BMP8A: variants seen among roughly 807,000 people sequenced by gnomAD.
BMP8A encodes the protein bone morphogenetic protein 8a.
In BMP8A, 14 loss-of-function variants were observed where a neutral mutation model predicts 36.8. The observed-to-expected ratio is 0.38, with a 90% CI of 0.25 to 0.60. BMP8A has a LOEUF of 0.60. BMP8A is among the 20% of genes least tolerant of loss of function. The pLI is 0.63. For synonymous variants in BMP8A, 120 were observed against 237.7 expected (o/e 0.50, Z 4.55); for missense variants, 267 against 551.1 (o/e 0.48, Z 5.16).
chr1:39,499,902 A>G (rs1352729048), intron 1 of BMP8A, among the ~76,000 whole-genome samples: 1 of 152,210 alleles, frequency 6.6e-6, no homozygotes, highest in Non-Finnish European at 1.5e-5. Flanking sequence ...ACTGTGGCCC[A>G]AGTGACTTCT....
At chr1:39,518,069 T>A (rs1645407049) in intron 3 of BMP8A, among the ~76,000 whole-genome samples, 1 of 151,744 alleles carries the variant, frequency 6.6e-6, no homozygotes, top group Non-Finnish European at 1.5e-5. Context: ...CTCCTGAATC[T>A]ATAGTCTCAA....
At chr1:39,523,300 A>G (rs563312239) in intron 6 of BMP8A, among the ~76,000 whole-genome samples, 183 bp downstream of exon 6, 34 of 152,254 alleles carry the variant, frequency 2.2e-4, no homozygotes, top group Non-Finnish European at 4.0e-4. Context: ...TCATACAGCC[A>G]CACTACTACA....
chr1:39,502,253 A>T (rs1217629754), intron 1 of BMP8A, among the ~76,000 whole-genome samples: 1 of 134,288 alleles, frequency 7.4e-6, no homozygotes, highest in Admixed American at 7.3e-5. Flanking sequence ...AAAAAAAAAG[A>T]AAAGGAAACC....
Position 39,524,652 on chromosome 1 carries a change from G to A in BMP8A, c.1060-997G>A, listed in dbSNP as rs1645464354. Among the ~76,000 whole-genome samples, 1 of 152,118 alleles carries A rather than the reference G, an allele frequency of 6.6e-6. No homozygotes were observed. The highest frequency in any genetic ancestry group is 2.4e-5 in the African/African-American group (1 of 41,418). ...AGCCAGGCCAGCTCCCGTAGGGCCT[G>A]GGGTTCCCTGGGAAGGAGGGTGGAT... On this transcript the variant is annotated intron_variant, in intron 6 of 6. Transcript: ENST00000331593. The surrounding 1 kb of genome is among the most constrained non-coding windows in gnomAD (Gnocchi z 4.0).
intron 1 of BMP8A, among the ~76,000 whole-genome samples, chr1:39,500,435 T>C (rs1645243340): frequency 6.6e-6 from 1 of 152,160 alleles, no homozygotes; most frequent in Admixed American, 6.5e-5. Context: ...CTGCTGAACA[T>C]CCTGCAGTAC....
intron 4 of BMP8A, chr1:39,522,130 G>T (rs1645431961): frequency 2.5e-6 from 1 of 399,034 alleles, no homozygotes; most frequent in Non-Finnish European, 4.5e-6. Flanking sequence ...GGTCCTGCTG[G>T]GCTGTTTACT....
rs573165242 is a variant in BMP8A at position 39,525,136 on chromosome 1, G to A, written c.1060-513G>A. On this transcript the variant is annotated intron_variant, in intron 6 of 6. Transcript: ENST00000331593. ...CACATGCAGGGCCTTGAAGTGCTGA[G>A]GGCGGATGCAGTCCTCTGGGAGAAG... 20 of 159,124 alleles carry A rather than the reference G, an allele frequency of 1.3e-4. No homozygotes were observed. The South Asian group carries it at 3.8e-3, about 30-fold the overall frequency. The allele number at this position is 159,124 out of a possible 1,614,324, so 9.9% of individuals were successfully genotyped here.
chr1:39,509,844 C>T (rs1393070391), intron 1 of BMP8A, among the ~76,000 whole-genome samples: 58 of 152,188 alleles, frequency 3.8e-4, no homozygotes, highest in Non-Finnish European at 1.3e-4. Context: ...GCTCCCACCC[C>T]TGCTTTCCGG....
At chr1:39,525,567 G>A (rs1162767447) in intron 6 of BMP8A, 82 bp from the exon 7 acceptor site, 1 of 1,544,676 alleles carries the variant, frequency 6.5e-7, no homozygotes, top group Admixed American at 1.9e-5. Context: ...GCAGGGAGCA[G>A]GTGGAGCTGG....
intron 6 of BMP8A, 85 bp downstream of exon 6, chr1:39,523,202 T>C: frequency 7.0e-7 from 1 of 1,429,996 alleles, no homozygotes; most frequent in Non-Finnish European, 9.7e-7. Context: ...GGGAGGGCAG[T>C]GAGGCCACCT....
intron 6 of BMP8A, chr1:39,523,422 A>C: frequency 9.0e-7 from 1 of 1,114,138 alleles, no homozygotes; most frequent in Non-Finnish European, 1.2e-6. Context: ...CGGCGCTCAG[A>C]GGCACAGCAC....
chr1:39,523,095 A>G lies in BMP8A; in HGVS notation c.1037A>G (p.Asn346Ser), dbSNP rs370470260. The G allele has an allele frequency of 8.1e-6, 13 of 1,613,612 alleles. No individual in the cohort carries two copies. The highest frequency in any genetic ancestry group is 4.0e-5 in the African/African-American group (3 of 74,792). Residue 346 changes from asparagine (N) to serine (S), a missense_variant, in exon 6 of 7, where the codon AAC becomes AGC. By Grantham distance (46) the Asn-to-Ser change is conservative. Coordinates refer to ENST00000331593, the MANE Select transcript of BMP8A (RefSeq NM_181809.4). ...FPLDSCMNAT[N>S]HAILQSLVHL... ...CTGGACTCCTGCATGAACGCCACCA[A>G]CCACGCCATCCTGCAGTCCCTGGTC...
At chr1:39,518,723 A>G (rs1645410753) in intron 3 of BMP8A, among the ~76,000 whole-genome samples, 1 of 144,538 alleles carries the variant, frequency 6.9e-6, no homozygotes, top group African/African-American at 2.7e-5. Context: ...AGGGCTGGGG[A>G]TGGGGGAGCT....
At chr1:39,514,686 G>T (rs1462852490) in intron 3 of BMP8A, among the ~76,000 whole-genome samples, 1 of 152,102 alleles carries the variant, frequency 6.6e-6, no homozygotes, top group Admixed American at 6.5e-5. Flanking sequence ...CCTAGCCTGT[G>T]CCCTACTCGC....
rs1645450026 is a variant in BMP8A, at chr1:39,523,408, C to T, written c.1059+291C>T. On this transcript the variant is annotated intron_variant, in intron 6 of 6. Coordinates refer to ENST00000331593, the MANE Select transcript of BMP8A (RefSeq NM_181809.4). ...CTCCTGTGGGACACTTACACACCTG[C>T]GTGCGGCGCTCAGAGGCACAGCACA... 2.0e-5 allele frequency: 20 copies of T among 986,612 alleles called. No individual in the cohort carries two copies. In the South Asian group the frequency reaches 2.1e-4, roughly 10 times the overall value. The allele number at this position is 986,612 out of a possible 1,614,324, so 61.1% of individuals were successfully genotyped here. A position where few individuals can be genotyped will look rare whatever the true frequency, so the allele number is the denominator to read the frequency against.
At chr1:39,516,920 C>T (rs955181162) in intron 3 of BMP8A, among the ~76,000 whole-genome samples, 6 of 151,920 alleles carry the variant, frequency 3.9e-5, no homozygotes, top group Non-Finnish European at 8.8e-5. Context: ...AATAGGCGAG[C>T]AAAGATGTGA....
In BMP8A at chr1:39,526,713, C is replaced by T. The variant is rs376099506; in HGVS notation, c.*915C>T. Among the ~76,000 whole-genome samples, 18 of 152,316 alleles carry T rather than the reference C, an allele frequency of 1.2e-4. No homozygotes were observed. In the East Asian group the frequency reaches 3.5e-3, roughly 29 times the overall value. ...TCTCCTGCCTGGGAAAGAGGTATGACTCCCACAGGAGCAAAGAATCCTGGG... is the reference window on the plus strand; with the variant it reads ...TCTCCTGCCTGGGAAAGAGGTATGATTCCCACAGGAGCAAAGAATCCTGGG... On this transcript the variant is annotated 3_prime_UTR_variant, in exon 7 of 7. Coordinates refer to ENST00000331593, the MANE Select transcript of BMP8A (RefSeq NM_181809.4).
chr1:39,503,260 T>C (rs1205351663), intron 1 of BMP8A, among the ~76,000 whole-genome samples: 1 of 152,132 alleles, frequency 6.6e-6, no homozygotes, highest in African/African-American at 2.4e-5. Flanking sequence ...CCCAGCTACT[T>C]GACAGGCTGA....
rs554480366 is a variant in BMP8A, at chr1:39,492,472, G to C, written c.334+147G>C. Reference sequence around the variant, plus strand: ...CAGGGGAGTGGGACCGCCGTGGTTAGGGAAGGTCTAAGGGTCATGGGGGCC... The same window carrying C: ...CAGGGGAGTGGGACCGCCGTGGTTACGGAAGGTCTAAGGGTCATGGGGGCC... On this transcript the variant is annotated intron_variant, in intron 1 of 6. Transcript: ENST00000331593. The C allele has an allele frequency of 2.2e-4, 292 of 1,334,428 alleles. 1 individual carries two copies. The African/African-American group carries it at 4.1e-3, about 19-fold the overall frequency. 82.7% of individuals were successfully genotyped at this position (1,334,428 alleles called of 1,614,324 possible). A position where few individuals can be genotyped will look rare whatever the true frequency, so the allele number is the denominator to read the frequency against.
Sources: gnomAD v4.1 joint callset for allele counts (sites outside exome capture counted in the v4.1 genomes callset) on GRCh38, gnomAD v4.1.1 for gene constraint, Gnocchi (gnomAD v3.1) non-coding constraint, MANE v1.5 for transcripts, NCBI Gene and HGNC (gene_info 2026-07-23, HGNC 2026-07-21) for gene names.